NTM: variants seen among roughly 807,000 people sequenced by gnomAD.
The protein encoded by NTM is neurotrimin.
Under a neutral mutation model 42.1 loss-of-function variants are expected in NTM, and 13 were observed. The observed-to-expected ratio is 0.31, with a 90% CI of 0.20 to 0.49. The LOEUF (loss-of-function observed/expected upper bound fraction) is 0.49. NTM is among the 20% of genes least tolerant of loss of function. NTM has a pLI of 0.99. For missense variants in NTM, 373 were observed against 452.8 expected, an observed-to-expected ratio of 0.82 and a Z score of 1.60; for synonymous variants, 187 against 179.2, an observed-to-expected ratio of 1.04 and a Z score of -0.35.
chr11:131,680,639 C>G (rs12792663), intron 1 of NTM, among the ~76,000 whole-genome samples: 3 of 135,992 alleles, frequency 2.2e-5, no homozygotes, highest in African/African-American at 8.6e-5. Flanking sequence ...GTGTGTGTGT[C>G]TGTGTAGGCA....
At chr11:132,318,569 A>G (rs1324966312) in intron 7 of NTM, among the ~76,000 whole-genome samples, 1 of 151,998 alleles carries the variant, frequency 6.6e-6, no homozygotes. Context: ...CAATTTTCTC[A>G]CTAGCCTAGA....
intron 1 of NTM, among the ~76,000 whole-genome samples, chr11:131,483,518 G>A (rs535374290): frequency 1.2e-4 from 19 of 152,354 alleles, no homozygotes; most frequent in African/African-American, 4.3e-4. Flanking sequence ...AAGGAATGGT[G>A]AAGAAAGGAG....
At chr11:131,704,663 C>T (rs1476363618) in intron 1 of NTM, among the ~76,000 whole-genome samples, 1 of 151,996 alleles carries the variant, frequency 6.6e-6, no homozygotes, top group Non-Finnish European at 1.5e-5. Context: ...AACTTCCTGA[C>T]AAAGCATTTA....
At chr11:131,664,753 G>GTTTTTTTTTTTTTTTT (rs199824869) in intron 1 of NTM, among the ~76,000 whole-genome samples, 3 of 112,912 alleles carry the variant, frequency 2.7e-5, no homozygotes, top group African/African-American at 1.0e-4. Context: ...CTCTTCCATT[G>GTTTTTTTTTTTTTTTT]TTTTTTTTTT....
intron 4 of NTM, among the ~76,000 whole-genome samples, chr11:132,266,147 GTCACAAGA>G (rs2093169234): frequency 6.6e-6 from 1 of 152,200 alleles, no homozygotes; most frequent in African/African-American, 2.4e-5. Flanking sequence ...GCTCAGGAGA[GTCACAAGA>G]AACAACTGCA....
intron 2 of NTM, among the ~76,000 whole-genome samples, chr11:132,075,985 A>G (rs1443547979): frequency 6.6e-6 from 1 of 152,204 alleles, no homozygotes; most frequent in Non-Finnish European, 1.5e-5. Flanking sequence ...AATCAATAGC[A>G]TACTTTCATC....
At chr11:131,682,991 C>T (rs527347773) in intron 1 of NTM, among the ~76,000 whole-genome samples, 1 of 152,322 alleles carries the variant, frequency 6.6e-6, no homozygotes, top group South Asian at 2.1e-4. Context: ...CCCCACCGTT[C>T]TCTCTCTATC....
intron 1 of NTM, among the ~76,000 whole-genome samples, chr11:131,416,423 C>G (rs773266299): frequency 1.3e-5 from 2 of 152,168 alleles, no homozygotes; most frequent in Non-Finnish European, 2.9e-5. Context: ...CCATGAAAAT[C>G]TTTGTCAAAC....
chr11:131,430,362 C>T lies in NTM; in HGVS notation c.82+59474C>T, dbSNP rs116387260. ...AGCTAGGTGGGTGAAAGGAAGAATCCAGAATGACTGAAGAGCAGAAAATCT... is the reference window on the plus strand; with the variant it reads ...AGCTAGGTGGGTGAAAGGAAGAATCTAGAATGACTGAAGAGCAGAAAATCT... On this transcript the variant is annotated intron_variant, in intron 1 of 8. Transcript: ENST00000683400. Among the ~76,000 whole-genome samples, 306 of 152,084 alleles carry T rather than the reference C, an allele frequency of 2.0e-3. 1 individual carries two copies. The highest frequency in any genetic ancestry group is 7.0e-3 in the African/African-American group (290 of 41,498).
intron 1 of NTM, among the ~76,000 whole-genome samples, chr11:131,691,548 T>G (rs1194630726): frequency 7.0e-6 from 1 of 143,142 alleles, no homozygotes; most frequent in Non-Finnish European, 1.5e-5. Flanking sequence ...TCCCCTTGTC[T>G]TCCCTGAAAG....
intron 1 of NTM, among the ~76,000 whole-genome samples, chr11:131,851,033 G>A (rs1291076732): frequency 6.6e-6 from 1 of 152,140 alleles, no homozygotes; most frequent in African/African-American, 2.4e-5. Context: ...GGGCCCTCCT[G>A]AGTGTCCACA....
intron 2 of NTM, among the ~76,000 whole-genome samples, chr11:132,088,649 C>T (rs77897212): frequency 0.039 from 5,971 of 152,242 alleles, 138 homozygotes; most frequent in African/African-American, 0.065. Context: ...TCCTCCAGTG[C>T]GCATGTGGGC....
chr11:132,306,354 C>T (rs867338289), intron 4 of NTM: 16 of 152,160 alleles, frequency 1.1e-4, no homozygotes, highest in Admixed American at 2.0e-4. Context: ...GGTTTTCTCA[C>T]CTGGAGAGAA....
intron 2 of NTM, among the ~76,000 whole-genome samples, chr11:132,117,669 A>C (rs2064099658): frequency 6.6e-6 from 1 of 152,218 alleles, no homozygotes; most frequent in Admixed American, 6.5e-5. Context: ...CCACACAGGA[A>C]TTTATTGGTC....
At chr11:132,070,111 G>A (rs367809304) in intron 2 of NTM, among the ~76,000 whole-genome samples, 34 of 97,516 alleles carry the variant, frequency 3.5e-4, no homozygotes, top group African/African-American at 5.0e-4. Flanking sequence ...CAAACTGACC[G>A]TCACAGGTTA....
At chr11:131,876,765 G>C (rs2048594342) in intron 1 of NTM, among the ~76,000 whole-genome samples, 1 of 152,142 alleles carries the variant, frequency 6.6e-6, no homozygotes, top group South Asian at 2.1e-4. Context: ...CAATGGCTAT[G>C]CTAGAACCGT....
chr11:131,816,060 G>T (rs951610950), intron 1 of NTM, among the ~76,000 whole-genome samples: 11 of 152,174 alleles, frequency 7.2e-5, no homozygotes, highest in African/African-American at 2.7e-4. Context: ...TTCAATTCAG[G>T]AAGCTTTCAT....
At chr11:132,176,722 GTTTTTTTTTT>G (rs148699196) in intron 3 of NTM, among the ~76,000 whole-genome samples, 3 of 82,004 alleles carry the variant, frequency 3.7e-5, no homozygotes, top group Admixed American at 3.7e-4. Context: ...CATGCCTAAA[GTTTTTTTTTT>G]TTTTTTTTTT....
intron 1 of NTM, among the ~76,000 whole-genome samples, chr11:131,678,615 A>C (rs2071852222): frequency 6.6e-6 from 1 of 152,236 alleles, no homozygotes; most frequent in Admixed American, 6.5e-5. Flanking sequence ...ATGCTGCTAC[A>C]TGTCACAGTT....
Sources: allele counts gnomAD v4.1 joint callset (sites outside exome capture counted in the v4.1 genomes callset), GRCh38; gene constraint gnomAD v4.1.1; transcripts MANE v1.5; gene names NCBI Gene and HGNC (gene_info 2026-07-23, HGNC 2026-07-21).